ASS1: variants seen among roughly 807,000 people sequenced by gnomAD.
The protein encoded by ASS1 is argininosuccinate synthase.
A neutral mutation model predicts 60.5 loss-of-function variants in ASS1; 58 were observed. The observed-to-expected ratio is 0.96, with a 90% CI of 0.78 to 1.19. ASS1 has a LOEUF of 1.19. Among genes scored for constraint, ASS1 ranks in the 50% most tolerant of loss-of-function variants. The pLI, the probability that ASS1 is intolerant of heterozygous loss-of-function variation, is 0.00. For synonymous variants in ASS1, 200 were observed against 206.9 expected (o/e 0.97, Z 0.29); for missense variants, 454 against 547.3 (o/e 0.83, Z 1.70).
chr9:130,464,826 C>T (rs1845687888), intron 5 of ASS1, among the ~76,000 whole-genome samples: 1 of 151,978 alleles, frequency 6.6e-6, no homozygotes, highest in African/African-American at 2.4e-5. Context: ...GGACACGTTC[C>T]TTCCTTCACT....
intron 5 of ASS1, 139 bp from the exon 6 acceptor site, chr9:130,466,586 C>G (rs1366308681): frequency 6.2e-6 from 5 of 808,918 alleles, no homozygotes; most frequent in Non-Finnish European, 1.0e-5. Flanking sequence ...TCCCTCTCAC[C>G]CTCACAACAG....
intron 4 of ASS1, among the ~76,000 whole-genome samples, chr9:130,462,347 G>A (rs1433477479): frequency 2.0e-5 from 3 of 152,222 alleles, no homozygotes; most frequent in African/African-American, 7.2e-5. Context: ...GGACACTCGT[G>A]TGTGAGACAC....
chr9:130,485,528 C>T (rs1490002614), intron 11 of ASS1, among the ~76,000 whole-genome samples: 2 of 152,230 alleles, frequency 1.3e-5, no homozygotes, highest in East Asian at 1.9e-4. Flanking sequence ...TACAGTTGGC[C>T]GAGCTGAGGA....
chr9:130,465,846 C>T (rs1012389584), intron 5 of ASS1, among the ~76,000 whole-genome samples: 4 of 152,334 alleles, frequency 2.6e-5, no homozygotes, highest in South Asian at 2.1e-4. Flanking sequence ...TTGCTGCCAG[C>T]GAGGCCGCAG....
At chr9:130,496,802 C>T (rs1484286825) in intron 13 of ASS1, among the ~76,000 whole-genome samples, 2 of 152,154 alleles carry the variant, frequency 1.3e-5, no homozygotes, top group Non-Finnish European at 2.9e-5. Flanking sequence ...GGTGTCACCT[C>T]CAGAGGTCAC....
chr9:130,453,797 A>T (rs1283670010), intron 2 of ASS1, among the ~76,000 whole-genome samples: 2 of 152,216 alleles, frequency 1.3e-5, no homozygotes, highest in Non-Finnish European at 2.9e-5. Context: ...AGGTCAGGGC[A>T]CTGGCCACAG....
intron 8 of ASS1, among the ~76,000 whole-genome samples, chr9:130,475,683 TG>T (rs1845994750): frequency 6.7e-6 from 1 of 148,972 alleles, no homozygotes; most frequent in Admixed American, 6.8e-5. Context: ...TCTTACCAAA[TG>T]GGGCTGCTGA....
intron 3 of ASS1, among the ~76,000 whole-genome samples, chr9:130,456,550 T>C (rs1313821061): frequency 1.3e-5 from 2 of 152,230 alleles, no homozygotes; most frequent in East Asian, 3.8e-4. Flanking sequence ...ATTGCTTTCT[T>C]TTCTATGCCT....
At chr9:130,496,477 G>T (rs1332762381) in intron 13 of ASS1, among the ~76,000 whole-genome samples, 2 of 151,112 alleles carry the variant, frequency 1.3e-5, no homozygotes, top group Non-Finnish European at 2.9e-5. Flanking sequence ...TGTAGTCCCA[G>T]CTACTCAGGA....
At chr9:130,461,320 G>C (rs1845585851) in intron 4 of ASS1, among the ~76,000 whole-genome samples, 1 of 152,172 alleles carries the variant, frequency 6.6e-6, no homozygotes. Flanking sequence ...CCGCAGCCGT[G>C]TGCGCCCCTC....
At chr9:130,450,178 G>A in intron 1 of ASS1, 1 of 772,292 alleles carries the variant, frequency 1.3e-6, no homozygotes, top group Non-Finnish European at 1.6e-6. Context: ...CAGTGAGGCT[G>A]CTCACAGGAG....
Position 130,476,885 on chromosome 9 carries a change from A to G in ASS1, c.612A>G (p.Pro204=). 6.2e-7 allele frequency: 1 copy of G among 1,613,898 alleles called. No individual in the cohort carries two copies. Among genetic ancestry groups the G allele is most frequent in the Non-Finnish European group, 8.5e-7 (1 of 1,179,916 alleles). ...TCTTTTTTCAGAACCAAGCGCCTCCAGGTCTCTACACGAAGACCCAGGACC... is the reference window on the plus strand; with the variant it reads ...TCTTTTTTCAGAACCAAGCGCCTCCGGGTCTCTACACGAAGACCCAGGACC... The part of the protein sequence containing the change: ...ILENPKNQAP[P]GLYTKTQDPA... The change falls in exon 9 of 15, where the codon CCA becomes CCG. Residue 204 remains proline (P), a synonymous_variant. Transcript: ENST00000352480. The surrounding 1 kb of genome is among the most constrained non-coding windows in gnomAD (Gnocchi z 4.9).
intron 11 of ASS1, among the ~76,000 whole-genome samples, chr9:130,482,971 T>C (rs1846207514): frequency 6.6e-6 from 1 of 152,228 alleles, no homozygotes; most frequent in Non-Finnish European, 1.5e-5. Flanking sequence ...GGAACTCCAA[T>C]TGTCAAGGGG....
At chr9:130,493,372 G>A (rs1197236254) in intron 12 of ASS1, among the ~76,000 whole-genome samples, 3 of 152,246 alleles carry the variant, frequency 2.0e-5, no homozygotes, top group Non-Finnish European at 4.4e-5. Context: ...GGTTAGCAAT[G>A]TTTTCTCACT....
Position 130,476,853 on chromosome 9 carries a change from C to T in ASS1, c.598-18C>T. The stretch of plus-strand genomic sequence containing the variant: ...GGACTGGTATGTCATCTGCCCACCA[C>T]TTTCTGTCTTTTTTCAGAACCAAGC... On this transcript the variant is annotated intron_variant, in intron 8 of 14. Coordinates refer to ENST00000352480, the MANE Select transcript of ASS1 (RefSeq NM_054012.4). This position sits in a 1 kb window ranked among gnomAD's most constrained non-coding sequence, Gnocchi z 4.9. 2 of 1,609,870 alleles carry T rather than the reference C, an allele frequency of 1.2e-6. No homozygotes were observed. The highest frequency in any genetic ancestry group is 1.7e-6 in the Non-Finnish European group (2 of 1,176,320).
intron 11 of ASS1, among the ~76,000 whole-genome samples, chr9:130,484,478 G>T (rs1846254415): frequency 6.6e-6 from 1 of 151,760 alleles, no homozygotes; most frequent in African/African-American, 2.4e-5. Context: ...CAGTAATTAT[G>T]GTGTGATTGA....
intron 13 of ASS1, among the ~76,000 whole-genome samples, chr9:130,498,459 T>C (rs1846656259): frequency 6.6e-6 from 1 of 152,180 alleles, no homozygotes; most frequent in South Asian, 2.1e-4. Flanking sequence ...CAATGGGTGA[T>C]TGATTGCTTC....
At chr9:130,458,316 C>A in intron 3 of ASS1, 85 bp from the exon 4 acceptor site, 1 of 1,551,988 alleles carries the variant, frequency 6.4e-7, no homozygotes, top group African/African-American at 1.4e-5. Context: ...GTATAGGTCT[C>A]AGCTAGCTGA....
chr9:130,448,422 G>GCGCACACACA (rs71387350), intron 1 of ASS1, among the ~76,000 whole-genome samples: 31,497 of 142,914 alleles, frequency 0.22, 3,661 homozygotes, highest in East Asian at 0.42. Flanking sequence ...GTGTGCGCGC[G>GCGCACACACA]CACACACACA....
Sources: allele counts gnomAD v4.1 joint callset (sites outside exome capture counted in the v4.1 genomes callset), GRCh38; gene constraint gnomAD v4.1.1; non-coding constraint Gnocchi (gnomAD v3.1); transcripts MANE v1.5; gene names NCBI Gene and HGNC (gene_info 2026-07-23, HGNC 2026-07-21).